Variants in OPCML observed in about 807,000 individuals in gnomAD.
The protein encoded by OPCML is opioid-binding protein/cell adhesion molecule.
OPCML carries 13 observed loss-of-function variants against 37.8 expected under a neutral mutation model. That is an observed-to-expected ratio of 0.34 (90% CI 0.22 to 0.55). The LOEUF is 0.55. OPCML is among the 20% of genes least tolerant of loss of function. OPCML has a pLI of 0.91. For synonymous variants in OPCML, 176 were observed against 168.8 expected (o/e 1.04, Z -0.33); for missense variants, 341 against 435.6 (o/e 0.78, Z 1.93).
At chr11:132,704,681 G>A (rs768110760) in intron 2 of OPCML, among the ~76,000 whole-genome samples, 4 of 152,168 alleles carry the variant, frequency 2.6e-5, no homozygotes, top group Non-Finnish European at 4.4e-5. Context: ...TGTAGAATAA[G>A]TTTGAGCAAT....
chr11:132,666,702 A>T (rs567918958), intron 2 of OPCML, among the ~76,000 whole-genome samples: 3 of 152,346 alleles, frequency 2.0e-5, no homozygotes, highest in Admixed American at 1.3e-4. Context: ...AGAGTCTTAG[A>T]TAGAAGGCAG....
At chr11:132,866,549 G>A (rs998945060) in intron 2 of OPCML, among the ~76,000 whole-genome samples, 5 of 152,142 alleles carry the variant, frequency 3.3e-5, no homozygotes. Context: ...CATCATAATC[G>A]ACAAGGAACA....
intron 2 of OPCML, among the ~76,000 whole-genome samples, chr11:132,926,120 C>A (rs1469486078): frequency 6.6e-6 from 1 of 152,180 alleles, no homozygotes; most frequent in Non-Finnish European, 1.5e-5. Context: ...AGAATAGAGA[C>A]CCTTGTCCCT....
intron 3 of OPCML, among the ~76,000 whole-genome samples, chr11:132,591,174 A>G (rs1211938074): frequency 2.0e-5 from 3 of 152,134 alleles, no homozygotes; most frequent in Non-Finnish European, 1.5e-5. Context: ...TGATGCCACA[A>G]TCATCGCCCC....
At chr11:133,023,395 C>T (rs1046607106) in intron 1 of OPCML, among the ~76,000 whole-genome samples, 3 of 152,062 alleles carry the variant, frequency 2.0e-5, no homozygotes, top group Non-Finnish European at 4.4e-5. Context: ...CTTCACGATG[C>T]TCGGGGATGA....
intron 2 of OPCML, among the ~76,000 whole-genome samples, chr11:132,764,509 G>A (rs12274457): frequency 0.042 from 6,454 of 152,210 alleles, 199 homozygotes; most frequent in Non-Finnish European, 0.07. Context: ...CTTAACCTCC[G>A]GGGATCAGGT....
intron 3 of OPCML, among the ~76,000 whole-genome samples, chr11:132,538,910 C>A (rs1327983418): frequency 6.6e-6 from 1 of 152,168 alleles, no homozygotes; most frequent in Non-Finnish European, 1.5e-5. Flanking sequence ...CATCCATATG[C>A]TGAACTCTTA....
intron 1 of OPCML, among the ~76,000 whole-genome samples, chr11:133,061,700 A>C (rs1317122312): frequency 6.6e-6 from 1 of 152,128 alleles, no homozygotes; most frequent in African/African-American, 2.4e-5. Flanking sequence ...TTATCCTCTC[A>C]TCTTGACCAC....
chr11:132,734,403 A>G (rs1945185270), intron 2 of OPCML, among the ~76,000 whole-genome samples: 3 of 152,194 alleles, frequency 2.0e-5, no homozygotes, highest in Admixed American at 2.0e-4. Flanking sequence ...CTCTGGAGGA[A>G]GCCAGACACC....
At chr11:133,349,221 C>T (rs1490757206) in intron 1 of OPCML, among the ~76,000 whole-genome samples, 3 of 152,194 alleles carry the variant, frequency 2.0e-5, no homozygotes, top group African/African-American at 7.2e-5. Flanking sequence ...TTTTACAGTT[C>T]TCTCTTGAGT....
intron 1 of OPCML, among the ~76,000 whole-genome samples, chr11:133,415,649 G>A (rs768951198): frequency 6.6e-6 from 1 of 152,158 alleles, no homozygotes; most frequent in Non-Finnish European, 1.5e-5. Flanking sequence ...TGTGCATGTG[G>A]TACCTCACCT....
chr11:132,811,584 A>C (rs1314967300), intron 2 of OPCML, among the ~76,000 whole-genome samples: 1 of 151,994 alleles, frequency 6.6e-6, no homozygotes, highest in Non-Finnish European at 1.5e-5. Context: ...ATTTTTTCTT[A>C]TGTGTCTATA....
At chr11:132,701,986 T>C (rs2135925064) in intron 2 of OPCML, among the ~76,000 whole-genome samples, 1 of 152,336 alleles carries the variant, frequency 6.6e-6, no homozygotes, top group African/African-American at 2.4e-5. Context: ...TTTGTGTTGA[T>C]ATCACAATTT....
intron 2 of OPCML, among the ~76,000 whole-genome samples, chr11:132,791,567 T>C (rs1031765938): frequency 6.6e-6 from 1 of 152,162 alleles, no homozygotes; most frequent in East Asian, 1.9e-4. Flanking sequence ...CAGCAGCTTA[T>C]AGAGGCTGAC....
At chr11:133,062,200 G>A (rs560772289) in intron 1 of OPCML, among the ~76,000 whole-genome samples, 34 of 152,200 alleles carry the variant, frequency 2.2e-4, no homozygotes, top group African/African-American at 7.0e-4. Context: ...GACTCCACCC[G>A]TAACACCAGA....
chr11:132,929,781 G>A (rs1361697492), intron 2 of OPCML, among the ~76,000 whole-genome samples: 1 of 152,082 alleles, frequency 6.6e-6, no homozygotes, highest in Non-Finnish European at 1.5e-5. Flanking sequence ...ACATTAACCA[G>A]TTGAAGGAAA....
intron 4 of OPCML, among the ~76,000 whole-genome samples, chr11:132,452,968 C>T (rs1482288212): frequency 6.6e-6 from 1 of 152,138 alleles, no homozygotes; most frequent in African/African-American, 2.4e-5. Flanking sequence ...TATAAGTCTC[C>T]TCTGTATAGT....
chr11:132,905,575 G>A (rs1219554285), intron 2 of OPCML, among the ~76,000 whole-genome samples: 1 of 152,074 alleles, frequency 6.6e-6, no homozygotes, highest in Non-Finnish European at 1.5e-5. Context: ...TCACCACCAT[G>A]CTAGGTAGAT....
At chr11:132,772,946 AGGGGAC>A (rs1002096959) in intron 2 of OPCML, 1 of 152,246 alleles carries the variant, frequency 6.6e-6, no homozygotes, top group African/African-American at 2.4e-5. Context: ...GGAGAGGAGC[AGGGGAC>A]CTGGTAATAG....
Sources: gnomAD v4.1 joint callset for allele counts (sites outside exome capture counted in the v4.1 genomes callset) on GRCh38, gnomAD v4.1.1 for gene constraint, MANE v1.5 for transcripts, NCBI Gene and HGNC (gene_info 2026-07-23, HGNC 2026-07-21) for gene names.